The following COL25A1 variants were observed in gnomAD, a reference collection of about 807,000 sequenced individuals.
COL25A1 encodes collagen alpha-1(XXV) chain.
Under a neutral mutation model 128.4 loss-of-function variants are expected in COL25A1, and 103 were observed. The ratio of observed to expected loss-of-function variants is 0.80; its 90% CI spans 0.68 to 0.94. COL25A1 has a LOEUF of 0.94. Among genes scored for constraint, COL25A1 ranks in the 40% least tolerant of loss-of-function variants. COL25A1 has a pLI of 0.00. For missense variants in COL25A1, 745 were observed against 840.0 expected, an observed-to-expected ratio of 0.89 and a Z score of 1.40; for synonymous variants, 279 against 277.2, an observed-to-expected ratio of 1.01 and a Z score of -0.06.
chr4:109,238,019 A>T (rs967467308), intron 3 of COL25A1, among the ~76,000 whole-genome samples: 9 of 152,002 alleles, frequency 5.9e-5, no homozygotes, highest in African/African-American at 2.2e-4. Flanking sequence ...AGCCTATATG[A>T]TAGTCCATTG....
intron 6 of COL25A1, among the ~76,000 whole-genome samples, chr4:109,007,861 T>C (rs997616921): frequency 1.3e-5 from 2 of 152,192 alleles, no homozygotes; most frequent in Admixed American, 1.3e-4. Context: ...GTTCTCCTGG[T>C]CCTGTCCATT....
chr4:109,199,194 A>G (rs1261982219), intron 3 of COL25A1, among the ~76,000 whole-genome samples: 1 of 152,238 alleles, frequency 6.6e-6, no homozygotes, highest in East Asian at 1.9e-4. Flanking sequence ...ACTTATTAAC[A>G]CATTTCATTA....
At chr4:108,919,071 T>C (rs1745192214) in intron 12 of COL25A1, among the ~76,000 whole-genome samples, 1 of 152,226 alleles carries the variant, frequency 6.6e-6, no homozygotes, top group South Asian at 2.1e-4. Context: ...TTATTCTTTG[T>C]CTAAAACTAG....
intron 5 of COL25A1, among the ~76,000 whole-genome samples, chr4:109,013,484 C>CCACACTGTGTAGGCTTTGTTTTT (rs1756877450): frequency 6.6e-6 from 1 of 151,080 alleles, no homozygotes; most frequent in Non-Finnish European, 1.5e-5. Flanking sequence ...GAGTCCCCTT[C>CCACACTGTGTAGGCTTTGTTTTT]CACACTGTGT....
intron 3 of COL25A1, among the ~76,000 whole-genome samples, chr4:109,284,041 A>C (rs1249932437): frequency 6.6e-6 from 1 of 152,272 alleles, no homozygotes; most frequent in Admixed American, 6.5e-5. Flanking sequence ...AACCTACAGT[A>C]AATAAATCTG....
intron 3 of COL25A1, among the ~76,000 whole-genome samples, chr4:109,261,069 T>C (rs1781415108): frequency 6.6e-6 from 1 of 152,224 alleles, no homozygotes; most frequent in Non-Finnish European, 1.5e-5. Flanking sequence ...TAGAAGTGCT[T>C]AAGCAGCCTT....
At position 109,161,501 on chromosome 4, in the gene COL25A1, T is replaced by G. The variant is rs76144736; in HGVS notation, c.368-111322A>C. The stretch of plus-strand genomic sequence containing the variant: ...TTATAATATAATTACCTGAATTGAT[T>G]GTTTAAATATAAGCTTTCTGAACCC... On this transcript the variant is annotated intron_variant, in intron 3 of 37. Coordinates refer to ENST00000399132, the MANE Select transcript of COL25A1 (RefSeq NM_198721.4). Among the ~76,000 whole-genome samples, 1,161 of 152,314 alleles carry G rather than the reference T, an allele frequency of 7.6e-3. 59 individuals are homozygous for G. In the South Asian group the frequency reaches 0.14, roughly 18 times the overall value.
chr4:108,942,114 A>T, intron 8 of COL25A1: 1 of 1,250,370 alleles, frequency 8.0e-7, no homozygotes, highest in Non-Finnish European at 1.1e-6. Flanking sequence ...CCATGAGAGG[A>T]AGCCAACGGG....
intron 3 of COL25A1, among the ~76,000 whole-genome samples, chr4:109,065,888 T>C (rs2125974430): frequency 6.6e-6 from 1 of 152,248 alleles, no homozygotes; most frequent in Non-Finnish European, 1.5e-5. Context: ...AAATGCAATA[T>C]GGTCAGATTA....
At chr4:108,991,987 C>G (rs2126014170) in intron 6 of COL25A1, among the ~76,000 whole-genome samples, 1 of 152,266 alleles carries the variant, frequency 6.6e-6, no homozygotes, top group Non-Finnish European at 1.5e-5. Context: ...AACACACACA[C>G]AGAAGGAAGC....
In COL25A1 at chr4:109,084,520, C is replaced by A. The variant is rs146740974; in HGVS notation, c.368-34341G>T. Among the ~76,000 whole-genome samples, 772 of 152,276 alleles carry A rather than the reference C, an allele frequency of 5.1e-3. 2 individuals carry two copies. The highest frequency in any genetic ancestry group is 6.8e-3 in the Non-Finnish European group (463 of 68,010). On this transcript the variant is annotated intron_variant, in intron 3 of 37. Coordinates refer to ENST00000399132, the MANE Select transcript of COL25A1 (RefSeq NM_198721.4). The stretch of plus-strand genomic sequence containing the variant: ...TTGCTGGTAACCCAGATGACTGAAG[C>A]ACGTTTATTTTCACATCACATACTT...
chr4:109,178,288 A>T (rs1774283219), intron 3 of COL25A1, among the ~76,000 whole-genome samples: 1 of 152,174 alleles, frequency 6.6e-6, no homozygotes, highest in African/African-American at 2.4e-5. Context: ...TTGGGTAAGG[A>T]TTTATTAAGT....
chr4:108,819,495 C>G (rs921611080), intron 35 of COL25A1, among the ~76,000 whole-genome samples, 166 bp from the exon 36 acceptor site: 6 of 152,118 alleles, frequency 3.9e-5, no homozygotes, highest in Admixed American at 6.6e-5. Context: ...GAGACATATT[C>G]CTACAACAGG....
intron 23 of COL25A1, 32 bp from the exon 24 acceptor site, chr4:108,859,765 G>A: frequency 1.9e-6 from 3 of 1,550,266 alleles, no homozygotes; most frequent in Non-Finnish European, 2.7e-6. Context: ...GAAAATCATG[G>A]GTATTAGCTT....
At chr4:109,190,143 T>A (rs1358666752) in intron 3 of COL25A1, among the ~76,000 whole-genome samples, 4 of 152,092 alleles carry the variant, frequency 2.6e-5, no homozygotes, top group African/African-American at 4.8e-5. Context: ...TGAGAGAAGA[T>A]AATATGTTTG....
chr4:108,829,847 C>T (rs1380996711), intron 32 of COL25A1, among the ~76,000 whole-genome samples: 1 of 152,068 alleles, frequency 6.6e-6, no homozygotes, highest in African/African-American at 2.4e-5. Context: ...GGGCATCAGC[C>T]GGGAAGCTCT....
intron 6 of COL25A1, among the ~76,000 whole-genome samples, chr4:108,980,845 A>G (rs1050918997): frequency 7.2e-5 from 11 of 152,242 alleles, no homozygotes; most frequent in African/African-American, 1.9e-4. Context: ...CACAACCTCA[A>G]TGGTCACCGC....
In COL25A1 at chr4:108,812,750, G is replaced by A. The variant is rs1026731087; in HGVS notation, c.*1177C>T. On this transcript the variant is annotated 3_prime_UTR_variant, in exon 38 of 38. Coordinates refer to ENST00000399132, the MANE Select transcript of COL25A1 (RefSeq NM_198721.4). ...AAATGTTTGACATGGTTGGATCGTA[G>A]GAGGAAGGAAAGCTCTCACAACAAC... The A allele has an allele frequency of 1.1e-4, 16 of 152,304 alleles. No homozygotes were observed. The highest frequency in any genetic ancestry group is 3.8e-4 in the African/African-American group (16 of 41,568). 9.4% of individuals were successfully genotyped at this position (152,304 alleles called of 1,614,324 possible). A position where few individuals can be genotyped will look rare whatever the true frequency, so the allele number is the denominator to read the frequency against.
At chr4:108,832,973 T>TAATAAATAAATAAATACATA (rs374659428) in intron 31 of COL25A1, among the ~76,000 whole-genome samples, 1,760 of 106,158 alleles carry the variant, frequency 0.017, 44 homozygotes, top group African/African-American at 0.052. Flanking sequence ...TCTCAAAAAA[T>TAATAAATAAATAAATACATA]AATAAATAAA....
Sources: allele counts gnomAD v4.1 joint callset (sites outside exome capture counted in the v4.1 genomes callset), GRCh38; gene constraint gnomAD v4.1.1; transcripts MANE v1.5; gene names NCBI Gene and HGNC (gene_info 2026-07-23, HGNC 2026-07-21).